The following SHISA9 variants were observed in gnomAD, a reference collection of about 807,000 sequenced individuals.
The protein encoded by SHISA9 is shisa family member 9.
In SHISA9, 13 loss-of-function variants were observed where a neutral mutation model predicts 38.0. The ratio of observed to expected loss-of-function variants is 0.34; its 90% confidence interval spans 0.22 to 0.54. The LOEUF is 0.54. Ranked by LOEUF, SHISA9 falls within the 20% of genes least tolerant of loss-of-function variation. The pLI is 0.91. For missense variants in SHISA9, 538 were observed against 575.8 expected (o/e 0.93, Z 0.67); for synonymous variants, 275 against 242.0 (o/e 1.14, Z -1.27).
the SHISA9 span, among the ~76,000 whole-genome samples, chr16:13,347,567 G>A: frequency 8.8e-3 from 1,335 of 152,236 alleles, 20 homozygotes; most frequent in African/African-American, 0.031. Context: ...TTTCAAAAGA[G>A]CACTGCATTT....
At chr16:13,129,623 A>G (rs2050290301) in intron 2 of SHISA9, among the ~76,000 whole-genome samples, 1 of 152,174 alleles carries the variant, frequency 6.6e-6, no homozygotes, top group African/African-American at 2.4e-5. Context: ...ACCCTCTGCT[A>G]CAGTACACAG....
the SHISA9 span, among the ~76,000 whole-genome samples, chr16:13,388,383 C>G: frequency 2.0e-5 from 3 of 151,196 alleles, no homozygotes; most frequent in Non-Finnish European, 4.4e-5. Flanking sequence ...TCAATCTCGG[C>G]TCACTGCAAC....
intron 2 of SHISA9, among the ~76,000 whole-genome samples, chr16:12,969,470 G>T (rs991581492): frequency 1.1e-4 from 16 of 151,786 alleles, no homozygotes; most frequent in African/African-American, 3.9e-4. Context: ...CAGGCGGGGT[G>T]CAGTGGCTCA....
chr16:13,449,806 C>T, the SHISA9 span, among the ~76,000 whole-genome samples: 1 of 152,156 alleles, frequency 6.6e-6, no homozygotes, highest in East Asian at 1.9e-4. Context: ...ACCTCATTGT[C>T]TCTTTTCTAC....
At chr16:13,518,226 C>T in the SHISA9 span, among the ~76,000 whole-genome samples, 1 of 152,006 alleles carries the variant, frequency 6.6e-6, no homozygotes. Context: ...GGCAAACTTC[C>T]TAGCCATTCT....
chr16:12,961,754 A>G (rs916953960), intron 2 of SHISA9, among the ~76,000 whole-genome samples: 7 of 145,658 alleles, frequency 4.8e-5, no homozygotes, highest in Non-Finnish European at 1.1e-4. Flanking sequence ...AGTTCAGTGC[A>G]CTAGAAATTT....
chr16:13,383,572 A>G, the SHISA9 span, among the ~76,000 whole-genome samples: 1 of 152,188 alleles, frequency 6.6e-6, no homozygotes, highest in South Asian at 2.1e-4. Flanking sequence ...GGACCTGGAA[A>G]GGGCATTGAG....
At chr16:12,930,888 T>C (rs2071453176) in intron 2 of SHISA9, among the ~76,000 whole-genome samples, 1 of 152,190 alleles carries the variant, frequency 6.6e-6, no homozygotes. Context: ...ATCAATTTCA[T>C]ATCCTATAAT....
chr16:13,166,897 C>A (rs976374859), intron 2 of SHISA9, among the ~76,000 whole-genome samples: 1 of 152,038 alleles, frequency 6.6e-6, no homozygotes, highest in Admixed American at 6.6e-5. Context: ...CGTGATGGGT[C>A]GATAGGTGCA....
intron 1 of SHISA9, among the ~76,000 whole-genome samples, 168 bp from the exon 2 acceptor site, chr16:12,916,520 T>G (rs1245792111): frequency 6.6e-6 from 1 of 152,220 alleles, no homozygotes; most frequent in African/African-American, 2.4e-5. Flanking sequence ...AACCTCTAAT[T>G]ACAGTGATTT....
intron 2 of SHISA9, among the ~76,000 whole-genome samples, chr16:13,059,258 G>C (rs2073346604): frequency 6.6e-6 from 1 of 151,132 alleles, no homozygotes; most frequent in Admixed American, 6.6e-5. Flanking sequence ...CTCCCGAGTA[G>C]CTGGGAGTAC....
At chr16:13,035,052 T>G (rs1338283198) in intron 2 of SHISA9, among the ~76,000 whole-genome samples, 3 of 152,214 alleles carry the variant, frequency 2.0e-5, no homozygotes, top group African/African-American at 7.2e-5. Context: ...ATCAACATTA[T>G]TTGGTGGATT....
the SHISA9 span, among the ~76,000 whole-genome samples, chr16:13,535,493 C>T: frequency 2.0e-4 from 31 of 152,298 alleles, 1 homozygote; most frequent in South Asian, 1.9e-3. Flanking sequence ...CCAAGCCAGC[C>T]AGCAACCTGT....
intron 2 of SHISA9, among the ~76,000 whole-genome samples, chr16:13,150,030 TAAAAA>T (rs35012437): frequency 3.0e-5 from 2 of 67,672 alleles, no homozygotes; most frequent in South Asian, 1.6e-3. Context: ...TCCTCATCAT[TAAAAA>T]AAAAAAAAAA....
At chr16:13,200,014 C>G (rs984536383) in intron 2 of SHISA9, among the ~76,000 whole-genome samples, 1 of 152,162 alleles carries the variant, frequency 6.6e-6, no homozygotes, top group Non-Finnish European at 1.5e-5. Context: ...CAGCTCTCAA[C>G]CAATGACTAA....
chr16:13,168,101 G>A (rs1164130117), intron 2 of SHISA9, among the ~76,000 whole-genome samples: 6 of 152,112 alleles, frequency 3.9e-5, no homozygotes, highest in Non-Finnish European at 2.9e-5. Flanking sequence ...CCAGTTCCTG[G>A]AGATAGTAAA....
the SHISA9 span, among the ~76,000 whole-genome samples, chr16:13,432,671 A>T: frequency 6.6e-6 from 1 of 152,188 alleles, no homozygotes; most frequent in Admixed American, 6.5e-5. Flanking sequence ...ACAGGAGTGA[A>T]AGGCATATAA....
the SHISA9 span, among the ~76,000 whole-genome samples, chr16:13,274,602 C>T: frequency 3.3e-5 from 5 of 152,070 alleles, no homozygotes; most frequent in African/African-American, 1.2e-4. Context: ...ATAATGTGAG[C>T]AGACAGAAGG....
chr16:13,388,416 A>G, the SHISA9 span, among the ~76,000 whole-genome samples: 3 of 151,604 alleles, frequency 2.0e-5, no homozygotes, highest in Admixed American at 1.3e-4. Context: ...AGTTCAAGCA[A>G]TTCTCCTGCC....
Sources: gnomAD v4.1 joint callset for allele counts (sites outside exome capture counted in the v4.1 genomes callset) on GRCh38, gnomAD v4.1.1 for gene constraint, MANE v1.5 for transcripts, NCBI Gene and HGNC (gene_info 2026-07-23, HGNC 2026-07-21) for gene names.